Variants in PTPRD observed in about 807,000 individuals in gnomAD.
The protein encoded by PTPRD is receptor-type tyrosine-protein phosphatase delta.
In PTPRD, 34 loss-of-function variants were observed where a neutral mutation model predicts 214.5. The ratio of observed to expected loss-of-function variants is 0.16; its 90% CI spans 0.12 to 0.21. The LOEUF is 0.21. Among genes scored for constraint, PTPRD ranks in the 10% least tolerant of loss-of-function variants. The pLI, the probability that PTPRD is intolerant of heterozygous loss-of-function variation, is 1.00. For missense variants in PTPRD, 2,545 were observed against 2,398.7 expected (o/e 1.06, Z -1.27); for synonymous variants, 1,128 against 845.7 (o/e 1.33, Z -5.79).
At chr9:8,859,485 A>C (rs2098049552) in intron 11 of PTPRD, among the ~76,000 whole-genome samples, 1 of 152,244 alleles carries the variant, frequency 6.6e-6, no homozygotes, top group Non-Finnish European at 1.5e-5. Context: ...AAGGTTAAAT[A>C]AAGTAAAGCT....
intron 8 of PTPRD, among the ~76,000 whole-genome samples, chr9:9,432,826 G>A (rs2083730364): frequency 6.6e-6 from 1 of 152,080 alleles, no homozygotes; most frequent in Non-Finnish European, 1.5e-5. Flanking sequence ...TATTTCCTGT[G>A]GCATAACAAA....
chr9:10,015,963 C>A (rs576556593), intron 4 of PTPRD, among the ~76,000 whole-genome samples: 5 of 152,142 alleles, frequency 3.3e-5, no homozygotes, highest in Non-Finnish European at 7.4e-5. Flanking sequence ...TTGACTGACA[C>A]CACACTCTGT....
At chr9:9,313,045 T>C (rs374083640) in intron 9 of PTPRD, among the ~76,000 whole-genome samples, 242 of 152,320 alleles carry the variant, frequency 1.6e-3, no homozygotes, top group African/African-American at 5.6e-3. Context: ...ATAGCTCACA[T>C]TTATTTCAAT....
chr9:8,824,193 C>A (rs1461209108), intron 11 of PTPRD, among the ~76,000 whole-genome samples: 1 of 152,150 alleles, frequency 6.6e-6, no homozygotes, highest in Non-Finnish European at 1.5e-5. Flanking sequence ...ATGCCTTAAT[C>A]GTCTGGGAAT....
chr9:10,283,285 G>T (rs1401541198), intron 3 of PTPRD, among the ~76,000 whole-genome samples: 1 of 152,114 alleles, frequency 6.6e-6, no homozygotes, highest in African/African-American at 2.4e-5. Flanking sequence ...TCATCCATAA[G>T]AAATATGAAT....
chr9:9,364,179 G>C (rs1267549559), intron 9 of PTPRD, among the ~76,000 whole-genome samples: 1 of 151,368 alleles, frequency 6.6e-6, no homozygotes, highest in Non-Finnish European at 1.5e-5. Flanking sequence ...TTGATAGACT[G>C]ATCGTTTTTC....
At chr9:8,405,389 A>C (rs1384211252) in intron 35 of PTPRD, among the ~76,000 whole-genome samples, 1 of 151,780 alleles carries the variant, frequency 6.6e-6, no homozygotes, top group Non-Finnish European at 1.5e-5. Context: ...TGATTTTAAC[A>C]TTAGTTTTTT....
At chr9:9,275,328 G>A (rs4319157) in intron 9 of PTPRD, among the ~76,000 whole-genome samples, 25,635 of 143,588 alleles carry the variant, frequency 0.18, 2,610 homozygotes, top group East Asian at 0.37. Flanking sequence ...TCAGTTGAAA[G>A]TTATTCTCAG....
At chr9:8,437,255 T>A (rs988585637) in intron 34 of PTPRD, 1 of 1,507,684 alleles carries the variant, frequency 6.6e-7, no homozygotes, top group African/African-American at 1.4e-5. Context: ...AAGGAAATGA[T>A]GGTGTAAATA....
At chr9:9,137,739 G>A (rs1334040245) in intron 10 of PTPRD, among the ~76,000 whole-genome samples, 1 of 152,026 alleles carries the variant, frequency 6.6e-6, no homozygotes, top group East Asian at 1.9e-4. Context: ...GCTTAAAAGT[G>A]TTTCTCTGAC....
At chr9:10,017,727 C>T (rs1743065544) in intron 4 of PTPRD, among the ~76,000 whole-genome samples, 1 of 152,044 alleles carries the variant, frequency 6.6e-6, no homozygotes, top group Non-Finnish European at 1.5e-5. Context: ...CTGTTCTTTA[C>T]TTATTTCTGT....
chr9:9,706,250 T>C (rs1413126394), intron 7 of PTPRD, among the ~76,000 whole-genome samples: 1 of 152,176 alleles, frequency 6.6e-6, no homozygotes, highest in African/African-American at 2.4e-5. Context: ...TCAAGTATTA[T>C]GTATTTTACA....
chr9:8,771,308 A>C (rs1212987831), intron 11 of PTPRD, among the ~76,000 whole-genome samples: 1 of 152,240 alleles, frequency 6.6e-6, no homozygotes, highest in African/African-American at 2.4e-5. Context: ...TTATGGAGGA[A>C]AACCAGGCAT....
At chr9:9,610,533 A>G (rs146109618) in intron 7 of PTPRD, among the ~76,000 whole-genome samples, 1,794 of 152,244 alleles carry the variant, frequency 0.012, 25 homozygotes, top group Admixed American at 0.016. Context: ...TTTTTTTAGG[A>G]CAAATTAGTG....
intron 10 of PTPRD, among the ~76,000 whole-genome samples, chr9:9,101,718 C>T (rs1470954903): frequency 1.3e-5 from 2 of 152,180 alleles, no homozygotes; most frequent in Admixed American, 1.3e-4. Context: ...ATGCATGTTA[C>T]CCCACTGAGT....
intron 5 of PTPRD, among the ~76,000 whole-genome samples, chr9:9,867,513 T>C (rs1253000663): frequency 6.6e-6 from 1 of 152,058 alleles, no homozygotes; most frequent in Non-Finnish European, 1.5e-5. Flanking sequence ...ATAATATTAA[T>C]AAAGGAAGAA....
chr9:9,951,407 T>C (rs1025768784), intron 4 of PTPRD, among the ~76,000 whole-genome samples: 3 of 152,222 alleles, frequency 2.0e-5, no homozygotes, highest in Admixed American at 6.5e-5. Context: ...CCTTAATATA[T>C]TTATGACAAA....
chr9:9,989,370 C>A (rs1410418263), intron 4 of PTPRD, among the ~76,000 whole-genome samples: 1 of 152,152 alleles, frequency 6.6e-6, no homozygotes. Flanking sequence ...AAACCCCAAG[C>A]TCCACTGGTA....
chr9:9,941,019 T>G (rs1021792742), intron 4 of PTPRD, among the ~76,000 whole-genome samples: 2 of 152,068 alleles, frequency 1.3e-5, no homozygotes, highest in Non-Finnish European at 2.9e-5. Context: ...AAAAAAGAGT[T>G]GTCTTGGGCT....
Sources: gnomAD v4.1 joint callset for allele counts (sites outside exome capture counted in the v4.1 genomes callset) on GRCh38, gnomAD v4.1.1 for gene constraint, MANE v1.5 for transcripts, NCBI Gene and HGNC (gene_info 2026-07-23, HGNC 2026-07-21) for gene names.